Variants in CRAMP1 observed in about 807,000 individuals in gnomAD.
CRAMP1 encodes cramped chromatin regulator 1, also known as protein cramped-like.
A neutral mutation model predicts 115.4 loss-of-function variants in CRAMP1; 50 were observed. That is an observed-to-expected ratio of 0.43 (90% CI 0.35 to 0.55). The LOEUF (loss-of-function observed/expected upper bound fraction) is 0.55. Among genes scored for constraint, CRAMP1 ranks in the 20% least tolerant of loss-of-function variants. The probability of loss-of-function intolerance (pLI) is 0.01; values close to 1 mark genes in which losing one functional copy is unlikely to be tolerated. For synonymous variants in CRAMP1, 866 were observed against 745.4 expected, an observed-to-expected ratio of 1.16 and a Z score of -2.64; for missense variants, 1,679 against 1,721.7, an observed-to-expected ratio of 0.98 and a Z score of 0.44.
At chr16:1,621,308 G>T (rs900217429) in intron 2 of CRAMP1, among the ~76,000 whole-genome samples, 3 of 152,250 alleles carry the variant, frequency 2.0e-5, no homozygotes, top group Non-Finnish European at 4.4e-5. Flanking sequence ...GCAGCTGGGA[G>T]GGTGCGCTGG....
At chr16:1,645,320 G>A in intron 6 of CRAMP1, 2 of 237,254 alleles carry the variant, frequency 8.4e-6, no homozygotes, top group South Asian at 7.0e-5. Flanking sequence ...CCGACTAGCT[G>A]GGATTACAGG....
chr16:1,666,032 G>A lies in CRAMP1; in HGVS notation c.2753-41G>A, dbSNP rs1023590415. Reference sequence around the variant, plus strand: ...CCACATCCTGCTGTGAGGGCATGGCGGGCGGGCTCGACATGTCTGCTTTTG... The same window carrying A: ...CCACATCCTGCTGTGAGGGCATGGCAGGCGGGCTCGACATGTCTGCTTTTG... On this transcript the variant is annotated intron_variant, in intron 14 of 20. Transcript: ENST00000397412. This position sits in a 1 kb window ranked among gnomAD's most constrained non-coding sequence, Gnocchi z 5.0. 9 of 1,350,340 alleles carry A rather than the reference G, an allele frequency of 6.7e-6. No individual in the cohort carries two copies. The Admixed American group carries it at 7.9e-5, about 12-fold the overall frequency. 83.6% of individuals were successfully genotyped at this position (1,350,340 alleles called of 1,614,324 possible).
chr16:1,616,052 A>G (rs113790326), intron 2 of CRAMP1, among the ~76,000 whole-genome samples: 1 of 152,350 alleles, frequency 6.6e-6, no homozygotes, highest in African/African-American at 2.4e-5. Context: ...CTCCGGAATC[A>G]TGGCCTTACT....
intron 3 of CRAMP1, among the ~76,000 whole-genome samples, 189 bp from the exon 4 acceptor site, chr16:1,632,023 C>G (rs1032544424): frequency 1.1e-4 from 17 of 152,142 alleles, no homozygotes. Context: ...CTCCTTTATC[C>G]TGATTAAAAC....
chr16:1,639,858 C>T lies in CRAMP1; in HGVS notation c.779-1281C>T, dbSNP rs930731242. Among the ~76,000 whole-genome samples the T allele has an allele frequency of 4.6e-5, 7 of 152,190 alleles. No homozygotes were observed. In the East Asian group the frequency reaches 1.3e-3, roughly 29 times the overall value. On this transcript the variant is annotated intron_variant, in intron 5 of 20. Transcript: ENST00000397412. ...TTTTGATTTAGTTCTAGGAAGTCAG[C>T]GTGAATTGGCCTTAGGTTCCCTACC...
At chr16:1,640,053 A>G (rs1159261968) in intron 5 of CRAMP1, among the ~76,000 whole-genome samples, 1 of 152,116 alleles carries the variant, frequency 6.6e-6, no homozygotes, top group Non-Finnish European at 1.5e-5. Context: ...GGTTTCCGCA[A>G]CCGGTTCCTT....
intron 2 of CRAMP1, among the ~76,000 whole-genome samples, chr16:1,618,249 T>G (rs1439830740): frequency 1.3e-5 from 2 of 152,232 alleles, no homozygotes; most frequent in Admixed American, 1.3e-4. Context: ...GCCATTGCAC[T>G]CCAGCCTGGG....
At chr16:1,635,312 C>A (rs1264737052) in intron 4 of CRAMP1, among the ~76,000 whole-genome samples, 1 of 152,218 alleles carries the variant, frequency 6.6e-6, no homozygotes, top group Non-Finnish European at 1.5e-5. Flanking sequence ...GGACTGACTC[C>A]GCCCCCAGCT....
Position 1,642,166 on chromosome 16 carries a change from A to G in CRAMP1, c.827+979A>G, listed in dbSNP as rs374892748. Among the ~76,000 whole-genome samples the G allele has an allele frequency of 7.6e-4, 116 of 151,928 alleles. 2 individuals carry two copies. The South Asian group carries it at 0.022, about 29-fold the overall frequency. On this transcript the variant is annotated intron_variant, in intron 6 of 20. Transcript: ENST00000397412. ...ACCCAAGAGCCCTGCCCTTGCAGCCACTCCTGAACAGTCCTTACCCATCTC... is the reference window on the plus strand; with the variant it reads ...ACCCAAGAGCCCTGCCCTTGCAGCCGCTCCTGAACAGTCCTTACCCATCTC...
chr16:1,672,827 T>C lies in CRAMP1; in HGVS notation c.3646-1054T>C, dbSNP rs1168880458. On this transcript the variant is annotated intron_variant, in intron 20 of 20. Coordinates refer to ENST00000397412, the MANE Select transcript of CRAMP1 (RefSeq NM_020825.4). This position sits in a 1 kb window ranked among gnomAD's most constrained non-coding sequence, Gnocchi z 4.9. ...GGACAAGATCCCGGTGCCGAGGCCC[T>C]CCCGTCCTCCGTCTCCTCAGCTCTG... is the stretch of plus-strand genomic sequence containing the variant. Among the ~76,000 whole-genome samples the C allele has an allele frequency of 3.3e-5, 5 of 152,218 alleles. No homozygotes were observed. The highest frequency in any genetic ancestry group is 1.2e-4 in the African/African-American group (5 of 41,450).
intron 2 of CRAMP1, 76 bp from the exon 3 acceptor site, chr16:1,625,897 C>A: frequency 7.1e-7 from 1 of 1,414,220 alleles, no homozygotes; most frequent in Non-Finnish European, 9.7e-7. Context: ...TGGGCCCTTC[C>A]CTCCCACCGG....
In CRAMP1 at chr16:1,676,201, C is replaced by G. The variant is rs905688316; in HGVS notation, c.*2156C>G. The G allele has an allele frequency of 6.6e-6, 1 of 152,274 alleles. No individual in the cohort carries two copies. Among genetic ancestry groups the G allele is most frequent in the Non-Finnish European group, 1.5e-5 (1 of 68,070 alleles). The allele number at this position is 152,274 out of a possible 1,614,324, so 9.4% of individuals were successfully genotyped here. ...AGGTCAGAGTCTGCTTTCGTAGGCT[C>G]TTTAGACAGCACCTACCACTTGGTT... On this transcript the variant is annotated 3_prime_UTR_variant, in exon 21 of 21. Coordinates refer to ENST00000397412, the MANE Select transcript of CRAMP1 (RefSeq NM_020825.4).
At chr16:1,655,369 C>G (rs1402971888) in intron 9 of CRAMP1, 69 bp downstream of exon 9, 3 of 1,208,588 alleles carry the variant, frequency 2.5e-6, no homozygotes, top group Non-Finnish European at 3.7e-6. Flanking sequence ...TGGACCACGC[C>G]TCCCTGTGCC....
intron 6 of CRAMP1, among the ~76,000 whole-genome samples, 157 bp downstream of exon 6, chr16:1,641,344 C>T (rs1168556650): frequency 1.3e-5 from 2 of 152,170 alleles, no homozygotes; most frequent in East Asian, 3.9e-4. Flanking sequence ...GTGCTTGGTC[C>T]AGGGAGCAGT....
chr16:1,633,154 C>T (rs1228268115), intron 4 of CRAMP1, among the ~76,000 whole-genome samples: 2 of 152,348 alleles, frequency 1.3e-5, no homozygotes, highest in South Asian at 2.1e-4. Context: ...ACTCTTTGTG[C>T]CCTTGCCTGT....
rs192524195 is a variant in CRAMP1, at chr16:1,660,302, C to A, written c.2413+239C>A. On this transcript the variant is annotated intron_variant, in intron 11 of 20. Transcript: ENST00000397412. ...CCAGGGCGTAGAAGCTGGTGAGAAG[C>A]CAGCCTTTGCCAGTCTGGTGACTTT... Among the ~76,000 whole-genome samples the A allele has an allele frequency of 2.0e-4, 30 of 152,320 alleles. 1 individual carries two copies. The highest frequency in any genetic ancestry group is 1.8e-3 in the Admixed American group (27 of 15,306).
intron 6 of CRAMP1, among the ~76,000 whole-genome samples, chr16:1,641,452 G>A (rs147233435): frequency 5.9e-5 from 9 of 152,314 alleles, no homozygotes; most frequent in East Asian, 5.8e-4. Context: ...TTGTGGTCTC[G>A]ACGCAGCACT....
intron 4 of CRAMP1, among the ~76,000 whole-genome samples, chr16:1,635,836 A>G (rs2036584556): frequency 6.6e-6 from 1 of 152,200 alleles, no homozygotes; most frequent in African/African-American, 2.4e-5. Context: ...CCCTCAGTTT[A>G]CTACCTCCTG....
rs1173423082 is a variant in CRAMP1 at position 1,656,090 on chromosome 16, G to A, written c.1333G>A (p.Ala445Thr). ...CAAGGACGCCCACGTGCTGCCCCCAGCCCAGATCCTGGGCATCCAGAGTGG... is the reference window on the plus strand; with the variant it reads ...CAAGGACGCCCACGTGCTGCCCCCAACCCAGATCCTGGGCATCCAGAGTGG... The part of the protein sequence containing the change: ...SAKDAHVLPP[A>T]QILGIQSGQG... Residue 445 changes from alanine (A) to threonine (T), a missense_variant, in exon 10 of 21, where the codon GCC becomes ACC. Coordinates refer to ENST00000397412, the MANE Select transcript of CRAMP1 (RefSeq NM_020825.4). The surrounding 1 kb of genome is among the most constrained non-coding windows in gnomAD (Gnocchi z 5.6). The A allele has an allele frequency of 1.2e-6, 2 of 1,609,822 alleles. No individual in the cohort carries two copies. Among genetic ancestry groups the A allele is most frequent in the Admixed American group, 1.7e-5 (1 of 59,704 alleles).
Sources: allele counts gnomAD v4.1 joint callset (sites outside exome capture counted in the v4.1 genomes callset), GRCh38; gene constraint gnomAD v4.1.1; non-coding constraint Gnocchi (gnomAD v3.1); transcripts MANE v1.5; gene names NCBI Gene and HGNC (gene_info 2026-07-23, HGNC 2026-07-21).